The following NELL1 variants were observed in gnomAD, a reference collection of about 807,000 sequenced individuals.
The protein encoded by NELL1 is neural EGFL like 1, also known as protein kinase C-binding protein NELL1.
In NELL1, 76 loss-of-function variants were observed where a neutral mutation model predicts 107.4. The ratio of observed to expected loss-of-function variants is 0.71; its 90% CI spans 0.59 to 0.86. The LOEUF (loss-of-function observed/expected upper bound fraction) is 0.86, where lower values mean the gene tolerates loss of function less well. Ranked by LOEUF, NELL1 falls within the 40% of genes least tolerant of loss-of-function variation. The pLI, the probability that NELL1 is intolerant of heterozygous loss-of-function variation, is 0.00. For missense variants in NELL1, 1,024 were observed against 1,005.5 expected, an observed-to-expected ratio of 1.02 and a Z score of -0.25; for synonymous variants, 353 against 341.2, an observed-to-expected ratio of 1.03 and a Z score of -0.38.
At chr11:21,481,911 C>A (rs1359108589) in intron 15 of NELL1, among the ~76,000 whole-genome samples, 1 of 152,126 alleles carries the variant, frequency 6.6e-6, no homozygotes, top group Non-Finnish European at 1.5e-5. Flanking sequence ...GGAGGCAAAG[C>A]AGGCCCTGCT....
intron 13 of NELL1, among the ~76,000 whole-genome samples, chr11:21,121,633 G>A (rs754560840): frequency 6.6e-6 from 1 of 152,064 alleles, no homozygotes; most frequent in South Asian, 2.1e-4. Context: ...AGACATTTCA[G>A]TGACCCCACT....
intron 15 of NELL1, among the ~76,000 whole-genome samples, chr11:21,408,545 T>A (rs1414180058): frequency 1.3e-5 from 2 of 152,086 alleles, no homozygotes; most frequent in African/African-American, 4.8e-5. Flanking sequence ...TTGTTTGAGT[T>A]CATTGTAGAT....
At chr11:21,131,820 A>G (rs1855625005) in intron 13 of NELL1, among the ~76,000 whole-genome samples, 1 of 152,158 alleles carries the variant, frequency 6.6e-6, no homozygotes, top group African/African-American at 2.4e-5. Flanking sequence ...TGTTTTGCTG[A>G]ATATTGCATG....
At chr11:20,728,466 A>T (rs570029727) in intron 2 of NELL1, among the ~76,000 whole-genome samples, 17 of 152,246 alleles carry the variant, frequency 1.1e-4, no homozygotes, top group African/African-American at 4.1e-4. Context: ...ATCTTTAATC[A>T]ATATTGAGTT....
At chr11:20,937,980 C>A (rs1850762964) in intron 10 of NELL1, 121 bp downstream of exon 10, 2 of 877,886 alleles carry the variant, frequency 2.3e-6, no homozygotes, top group Non-Finnish European at 3.7e-6. Flanking sequence ...GGGTGGAACT[C>A]TCTGCGGTGG....
chr11:21,425,196 C>G (rs1178420491), intron 15 of NELL1, among the ~76,000 whole-genome samples: 1 of 152,144 alleles, frequency 6.6e-6, no homozygotes, highest in Non-Finnish European at 1.5e-5. Context: ...TCAAAGCAAT[C>G]CCAATGACTC....
At chr11:21,101,464 A>C (rs1028099135) in intron 12 of NELL1, among the ~76,000 whole-genome samples, 26 of 152,230 alleles carry the variant, frequency 1.7e-4, no homozygotes, top group Admixed American at 7.2e-4. Context: ...AACAGTGTAA[A>C]AGTGTTCCTA....
chr11:21,128,796 CAAGTCAAGATTTA>C (rs1376025732), intron 13 of NELL1, among the ~76,000 whole-genome samples: 6 of 152,148 alleles, frequency 3.9e-5, no homozygotes, highest in Admixed American at 3.9e-4. Context: ...GGGAGGGAAT[CAAGTCAAGATTTA>C]CCCTGTAATG....
rs560148978 is a variant in NELL1, at chr11:21,120,063, A to G, written c.1426+6349A>G. Among the ~76,000 whole-genome samples, 5 of 152,240 alleles carry G rather than the reference A, an allele frequency of 3.3e-5. No homozygotes were observed. The East Asian group carries it at 5.8e-4, about 18-fold the overall frequency. ...ATAACAAATATCCCATGTGATCTCT[A>G]TTACCTTGCTAAAAGGATTTTTATT... On this transcript the variant is annotated intron_variant, in intron 13 of 19. Transcript: ENST00000357134.
At chr11:21,438,169 A>G (rs940384950) in intron 15 of NELL1, among the ~76,000 whole-genome samples, 2 of 151,998 alleles carry the variant, frequency 1.3e-5, no homozygotes, top group African/African-American at 4.8e-5. Context: ...CTCTATTGAT[A>G]ATAATTTCCC....
intron 12 of NELL1, among the ~76,000 whole-genome samples, chr11:21,025,425 T>A (rs1243149350): frequency 6.6e-6 from 1 of 151,782 alleles, no homozygotes; most frequent in Non-Finnish European, 1.5e-5. Context: ...TTCAGGTTAA[T>A]CTCATTCTAG....
rs539618188 is a variant in NELL1 at position 21,112,408 on chromosome 11, T to A, written c.1301-1181T>A. Among the ~76,000 whole-genome samples, 220 of 152,182 alleles carry A rather than the reference T, an allele frequency of 1.4e-3. 1 individual carries two copies. The highest frequency in any genetic ancestry group is 5.0e-3 in the African/African-American group (209 of 41,546). Reference sequence around the variant, plus strand: ...CCTCGGTTTCTGTACATTAATAATATTAAAGCTCTAATGATTATTGTAATA... The same window carrying A: ...CCTCGGTTTCTGTACATTAATAATAATAAAGCTCTAATGATTATTGTAATA... On this transcript the variant is annotated intron_variant, in intron 12 of 19. Coordinates refer to ENST00000357134, the MANE Select transcript of NELL1 (RefSeq NM_006157.5).
intron 4 of NELL1, among the ~76,000 whole-genome samples, chr11:20,880,988 A>G (rs1347933413): frequency 1.3e-5 from 2 of 152,186 alleles, no homozygotes; most frequent in Non-Finnish European, 2.9e-5. Flanking sequence ...TTCCACTTCC[A>G]TTCCATAGCC....
chr11:21,003,413 T>C (rs1852265538), intron 12 of NELL1, among the ~76,000 whole-genome samples: 1 of 152,270 alleles, frequency 6.6e-6, no homozygotes, highest in Middle Eastern at 3.4e-3. Flanking sequence ...TGCCAGTTTT[T>C]TTGCTAGGTC....
chr11:20,793,258 C>T (rs1857109367), intron 3 of NELL1, among the ~76,000 whole-genome samples: 1 of 151,824 alleles, frequency 6.6e-6, no homozygotes, highest in Admixed American at 6.6e-5. Flanking sequence ...TTTTAAGAAT[C>T]CTATATTTCA....
At chr11:21,568,115 A>C (rs2134010284) in intron 17 of NELL1, among the ~76,000 whole-genome samples, 1 of 151,986 alleles carries the variant, frequency 6.6e-6, no homozygotes, top group African/African-American at 2.4e-5. Flanking sequence ...TAGATGGAAT[A>C]GCTTGCTACA....
At chr11:21,103,038 G>A (rs1486764408) in intron 12 of NELL1, among the ~76,000 whole-genome samples, 3 of 152,142 alleles carry the variant, frequency 2.0e-5, no homozygotes, top group Admixed American at 6.5e-5. Context: ...AAAAAGTAAC[G>A]TAACTAGTCT....
intron 12 of NELL1, among the ~76,000 whole-genome samples, chr11:21,080,665 A>C (rs79675479): frequency 6.6e-6 from 1 of 152,110 alleles, no homozygotes; most frequent in Non-Finnish European, 1.5e-5. Context: ...ATCTGTGCAC[A>C]TGGTACATGC....
intron 12 of NELL1, among the ~76,000 whole-genome samples, chr11:21,011,246 G>A (rs147962350): frequency 1.3e-5 from 2 of 152,192 alleles, no homozygotes; most frequent in African/African-American, 2.4e-5. Flanking sequence ...CTAGCCCAGA[G>A]TTATTTGTTA....
Sources: allele counts gnomAD v4.1 joint callset (sites outside exome capture counted in the v4.1 genomes callset), GRCh38; gene constraint gnomAD v4.1.1; transcripts MANE v1.5; gene names NCBI Gene and HGNC (gene_info 2026-07-23, HGNC 2026-07-21).